Variants in SVEP1 observed in about 807,000 individuals in gnomAD.
The protein encoded by SVEP1 is sushi, von Willebrand factor type A, EGF and pentraxin domain containing 1.
SVEP1 carries 164 observed loss-of-function variants against 367.3 expected under a neutral mutation model. The ratio of observed to expected loss-of-function variants is 0.45; its 90% confidence interval spans 0.39 to 0.51. The LOEUF (loss-of-function observed/expected upper bound fraction) is 0.51, where lower values mean the gene tolerates loss of function less well. Among genes scored for constraint, SVEP1 ranks in the 20% least tolerant of loss-of-function variants. SVEP1 has a pLI of 0.00. For synonymous variants in SVEP1, 1,666 were observed against 1,611.6 expected (o/e 1.03, Z -0.81); for missense variants, 4,117 against 4,425.3 (o/e 0.93, Z 1.98).
At chr9:110,479,900 G>C (rs1829159818) in intron 12 of SVEP1, 144 bp from the exon 13 acceptor site, 1 of 1,139,866 alleles carries the variant, frequency 8.8e-7, no homozygotes, top group African/African-American at 1.6e-5. Flanking sequence ...CAGTTAAGGA[G>C]AGTTTCTAGG....
chr9:110,479,800 T>C, intron 12 of SVEP1, 44 bp from the exon 13 acceptor site: 2 of 1,574,940 alleles, frequency 1.3e-6, no homozygotes, highest in Non-Finnish European at 1.7e-6. Context: ...TTAGTGTTTT[T>C]AAAACAAAGA....
At chr9:110,413,213 A>G (rs201975800) in intron 36 of SVEP1, among the ~76,000 whole-genome samples, 23 of 142,810 alleles carry the variant, frequency 1.6e-4, no homozygotes, top group East Asian at 1.2e-3. Flanking sequence ...ATGCAGCCAT[A>G]AAAAATGATG....
rs745763799 is a variant in SVEP1, at chr9:110,457,244, T to A, written c.3673+12A>T. On this transcript the variant is annotated intron_variant, in intron 21 of 47. Coordinates refer to ENST00000374469, the MANE Select transcript of SVEP1 (RefSeq NM_153366.4). ...AAATATATTAAAATCTACATTCCTCTTGGTTATTTACCTGTATATCCAAGT... is the reference window on the plus strand; with the variant it reads ...AAATATATTAAAATCTACATTCCTCATGGTTATTTACCTGTATATCCAAGT... 6.4e-7 allele frequency: 1 copy of A among 1,572,222 alleles called. No individual in the cohort carries two copies. The highest frequency in any genetic ancestry group is 1.2e-5 in the South Asian group (1 of 84,956).
chr9:110,395,516 T>C (rs1827744140), intron 40 of SVEP1, among the ~76,000 whole-genome samples: 3 of 152,148 alleles, frequency 2.0e-5, no homozygotes, highest in Non-Finnish European at 4.4e-5. Flanking sequence ...TAACCTTAAA[T>C]GTAAATGGGC....
chr9:110,440,331 T>G (rs1045395859), intron 27 of SVEP1, among the ~76,000 whole-genome samples: 3 of 152,188 alleles, frequency 2.0e-5, no homozygotes, highest in Non-Finnish European at 4.4e-5. Flanking sequence ...CATTCATGGC[T>G]CCCTGCCTCT....
At chr9:110,379,723 T>C (rs1281742877) in intron 43 of SVEP1, among the ~76,000 whole-genome samples, 1 of 152,192 alleles carries the variant, frequency 6.6e-6, no homozygotes, top group African/African-American at 2.4e-5. Context: ...TTTTTTGTCT[T>C]CTGATTCAAA....
At chr9:110,447,126 T>C in intron 24 of SVEP1, 69 bp from the exon 25 acceptor site, 1 of 1,286,376 alleles carries the variant, frequency 7.8e-7, no homozygotes, top group Non-Finnish European at 9.9e-7. Flanking sequence ...GATAATCTTA[T>C]CTCGAAAGAC....
Position 110,406,097 on chromosome 9 carries a change from C to G in SVEP1, c.9440+63G>C, listed in dbSNP as rs763251327. On this transcript the variant is annotated intron_variant, in intron 38 of 47. Coordinates refer to ENST00000374469, the MANE Select transcript of SVEP1 (RefSeq NM_153366.4). Reference sequence around the variant, plus strand: ...CTTCCCAATCAGCAAAATTTTTGATCGATCACATTTCATTTCATAATCCTG... The same window carrying G: ...CTTCCCAATCAGCAAAATTTTTGATGGATCACATTTCATTTCATAATCCTG... 5.4e-6 allele frequency: 8 copies of G among 1,492,616 alleles called. No homozygotes were observed. The South Asian group carries it at 8.8e-5, about 16-fold the overall frequency. The allele number at this position is 1,492,616 out of a possible 1,614,324, so 92.5% of individuals were successfully genotyped here. A position where few individuals can be genotyped will look rare whatever the true frequency, so the allele number is the denominator to read the frequency against.
intron 1 of SVEP1, among the ~76,000 whole-genome samples, chr9:110,571,343 T>G (rs575620591): frequency 6.6e-5 from 10 of 152,190 alleles, no homozygotes; most frequent in Non-Finnish European, 1.3e-4. Context: ...TGAAACCAAG[T>G]GTTCCCCAAT....
chr9:110,434,487 CCCT>C lies in SVEP1; in HGVS notation c.4905_4907del (p.Gly1636del), dbSNP rs759163249. ...ATGCAGTTCTCAGATGAGGCACTGA[CCCT>C]CCTAAGCGTGGGCAATCTGAGGGCA... On this transcript the variant is annotated inframe_deletion, in exon 30 of 48. Transcript: ENST00000374469. 12 of 1,612,960 alleles carry C rather than the reference CCCT, an allele frequency of 7.4e-6. No homozygotes were observed. In the African/African-American group the frequency reaches 1.6e-4, roughly 22 times the overall value.
In SVEP1 at chr9:110,408,342, T is replaced by A. The variant is rs773564060; in HGVS notation, c.7258A>T (p.Thr2420Ser). 12 of 1,613,830 alleles carry A rather than the reference T, an allele frequency of 7.4e-6. No homozygotes were observed. The highest frequency in any genetic ancestry group is 1.0e-5 in the Non-Finnish European group (12 of 1,179,838). ...GGFFLRGNST[T>S]LCQPDGTWSS... ...CAGGTGCCATCAGGTTGGCAGAGGG[T>A]GGTAGAATTTCCTCTTAGGAAAAAC... The change falls in exon 38 of 48, where the codon ACC becomes TCC. Residue 2420 changes from threonine (T) to serine (S), a missense_variant. By Grantham distance (58) the Thr-to-Ser change is moderately conservative. Around this residue, in one of 4 missense-constraint regions of SVEP1, gnomAD observed 1,765 missense variants for 1,781.1 expected, o/e 0.99. Coordinates refer to ENST00000374469, the MANE Select transcript of SVEP1 (RefSeq NM_153366.4).
chr9:110,516,540 T>C (rs1400631536), intron 3 of SVEP1, among the ~76,000 whole-genome samples: 6 of 152,220 alleles, frequency 3.9e-5, no homozygotes, highest in African/African-American at 1.4e-4. Flanking sequence ...TTACTGAATA[T>C]TAATATTGTA....
chr9:110,510,389 T>C (rs1829689893), intron 5 of SVEP1, among the ~76,000 whole-genome samples: 1 of 152,208 alleles, frequency 6.6e-6, no homozygotes, highest in Non-Finnish European at 1.5e-5. Context: ...ATAACATGCA[T>C]GGTGACTGTG....
At chr9:110,472,622 T>C (rs1254556096) in intron 14 of SVEP1, among the ~76,000 whole-genome samples, 1 of 152,208 alleles carries the variant, frequency 6.6e-6, no homozygotes, top group Admixed American at 6.5e-5. Context: ...GCTTTAGAGG[T>C]AAATTTTAGA....
intron 28 of SVEP1, 124 bp from the exon 29 acceptor site, chr9:110,435,488 G>T: frequency 8.8e-7 from 1 of 1,132,718 alleles, no homozygotes; most frequent in Non-Finnish European, 1.2e-6. Flanking sequence ...GAGGGAAGCA[G>T]GTATGATTTC....
rs191438165 is a variant in SVEP1, at chr9:110,390,128, T to C, written c.9823-541A>G. ...ATATAAGTATATATACATACATACT[T>C]ATATAAGTATATATACAAGTATATA... On this transcript the variant is annotated intron_variant, in intron 40 of 47. Transcript: ENST00000374469. 2.3e-3 allele frequency among the ~76,000 whole-genome samples: 258 copies of C among 111,770 alleles called. 2 individuals are homozygous for C. The highest frequency in any genetic ancestry group is 7.2e-3 in the African/African-American group (254 of 35,100). The allele number at this position is 111,770 out of a possible 152,430, so 73.3% of individuals were successfully genotyped here.
At chr9:110,544,534 C>T (rs1218283139) in intron 3 of SVEP1, among the ~76,000 whole-genome samples, 1 of 152,114 alleles carries the variant, frequency 6.6e-6, no homozygotes, top group East Asian at 1.9e-4. Context: ...TCCTTTCTTG[C>T]CTCTCTAATA....
At chr9:110,495,494 A>C (rs959154247) in intron 8 of SVEP1, among the ~76,000 whole-genome samples, 1 of 152,192 alleles carries the variant, frequency 6.6e-6, no homozygotes, top group Admixed American at 6.5e-5. Context: ...CCTAAAGTGC[A>C]TTCAGCCCTA....
intron 40 of SVEP1, among the ~76,000 whole-genome samples, chr9:110,398,607 A>G (rs1588033481): frequency 6.6e-6 from 1 of 152,358 alleles, no homozygotes; most frequent in South Asian, 2.1e-4. Context: ...ACAAAGGGCT[A>G]ATACCCAGAA....
Sources: gnomAD v4.1 joint callset for allele counts (sites outside exome capture counted in the v4.1 genomes callset) on GRCh38, gnomAD v4.1.1 for gene constraint, gnomAD v4.1.1 regional missense constraint, MANE v1.5 for transcripts, NCBI Gene and HGNC (gene_info 2026-07-23, HGNC 2026-07-21) for gene names.